SPHKAP: variants seen among roughly 807,000 people sequenced by gnomAD.
SPHKAP encodes the protein A-kinase anchor protein SPHKAP.
SPHKAP carries 67 observed loss-of-function variants against 137.5 expected under a neutral mutation model. The ratio of observed to expected loss-of-function variants is 0.49; its 90% confidence interval spans 0.40 to 0.60. The LOEUF is 0.60. Among genes scored for constraint, SPHKAP ranks in the 20% least tolerant of loss-of-function variants. The pLI is 0.00. For synonymous variants in SPHKAP, 813 were observed against 785.3 expected (o/e 1.04, Z -0.59); for missense variants, 2,097 against 2,069.3 (o/e 1.01, Z -0.26).
At chr2:227,990,187 C>T (rs1372904221) in intron 11 of SPHKAP, among the ~76,000 whole-genome samples, 1 of 152,202 alleles carries the variant, frequency 6.6e-6, no homozygotes, top group Non-Finnish European at 1.5e-5. Flanking sequence ...AGGCTAATGC[C>T]TTAATTTCCA....
chr2:228,116,622 T>C (rs1418455602), intron 2 of SPHKAP, among the ~76,000 whole-genome samples: 1 of 152,126 alleles, frequency 6.6e-6, no homozygotes, highest in East Asian at 1.9e-4. Flanking sequence ...TCTAATCCTG[T>C]CAGAAACTAA....
intron 2 of SPHKAP, among the ~76,000 whole-genome samples, chr2:228,112,595 G>T (rs1698553416): frequency 6.6e-6 from 1 of 151,980 alleles, no homozygotes; most frequent in African/African-American, 2.4e-5. Context: ...AGGCAGAGGG[G>T]GACTTGCCAA....
intron 7 of SPHKAP, among the ~76,000 whole-genome samples, chr2:228,005,389 T>G (rs1247478014): frequency 6.6e-6 from 1 of 152,210 alleles, no homozygotes; most frequent in Non-Finnish European, 1.5e-5. Context: ...CCTTTTTTTG[T>G]TTTCCATTTG....
chr2:228,152,716 C>G (rs957578206), intron 1 of SPHKAP, among the ~76,000 whole-genome samples: 2 of 121,758 alleles, frequency 1.6e-5, no homozygotes, highest in African/African-American at 5.3e-5. Flanking sequence ...GAAGTTATAC[C>G]TTCTTTTTTT....
chr2:227,993,884 G>T (rs1271954254), intron 8 of SPHKAP: 1 of 204,678 alleles, frequency 4.9e-6, no homozygotes, highest in African/African-American at 2.4e-5. Context: ...TTTCTGAAGT[G>T]GTATCACAAC....
intron 3 of SPHKAP, among the ~76,000 whole-genome samples, chr2:228,083,164 A>C (rs1697417376): frequency 6.6e-6 from 1 of 152,262 alleles, no homozygotes; most frequent in African/African-American, 2.4e-5. Context: ...ATAAGAAAGA[A>C]AAAAAGAAAG....
At chr2:228,158,364 A>G (rs1700174428) in intron 1 of SPHKAP, among the ~76,000 whole-genome samples, 1 of 117,650 alleles carries the variant, frequency 8.5e-6, no homozygotes, top group African/African-American at 3.3e-5. Context: ...ATGTGATTTT[A>G]CCCCTTACAA....
chr2:228,092,156 C>CGT (rs1559168659), intron 3 of SPHKAP, among the ~76,000 whole-genome samples: 1 of 114,008 alleles, frequency 8.8e-6, no homozygotes, highest in East Asian at 2.5e-4. Context: ...TATACATATA[C>CGT]ATATATGTGT....
intron 1 of SPHKAP, among the ~76,000 whole-genome samples, chr2:228,136,438 T>C (rs1397866710): frequency 1.3e-5 from 2 of 152,256 alleles, no homozygotes; most frequent in African/African-American, 2.4e-5. Context: ...ATAAATGAGA[T>C]GCTAAGTTGC....
intron 1 of SPHKAP, among the ~76,000 whole-genome samples, chr2:228,150,662 C>T (rs773885167): frequency 2.0e-5 from 3 of 150,970 alleles, no homozygotes; most frequent in African/African-American, 4.9e-5. Flanking sequence ...TGGGCTTCTA[C>T]CCCTCTTTTA....
chr2:228,160,167 C>T (rs1446149473), intron 1 of SPHKAP, among the ~76,000 whole-genome samples: 2 of 152,168 alleles, frequency 1.3e-5, no homozygotes, highest in African/African-American at 2.4e-5. Context: ...GGCATGGAAG[C>T]AGGGGAGGTA....
chr2:228,004,863 G>C (rs1018274932), intron 7 of SPHKAP, among the ~76,000 whole-genome samples: 2 of 152,040 alleles, frequency 1.3e-5, no homozygotes, highest in Non-Finnish European at 2.9e-5. Context: ...GTAGTTGATT[G>C]GTTTTGAGTG....
intron 1 of SPHKAP, among the ~76,000 whole-genome samples, chr2:228,143,956 G>A (rs1699687140): frequency 6.6e-6 from 1 of 152,056 alleles, no homozygotes; most frequent in African/African-American, 2.4e-5. Context: ...TGCCTCTATC[G>A]AATCACTCTG....
chr2:228,123,496 A>G (rs1319673416), intron 2 of SPHKAP, among the ~76,000 whole-genome samples: 4 of 152,192 alleles, frequency 2.6e-5, no homozygotes, highest in Non-Finnish European at 4.4e-5. Context: ...TTATTTATTT[A>G]TACTTAAAGT....
chr2:228,029,851 A>C (rs1032003758), intron 3 of SPHKAP, among the ~76,000 whole-genome samples: 1 of 152,154 alleles, frequency 6.6e-6, no homozygotes. Context: ...CCTTAAAGAA[A>C]GGCCCATTAC....
chr2:227,982,381 A>C (rs998611705), intron 11 of SPHKAP: 2 of 985,350 alleles, frequency 2.0e-6, no homozygotes, highest in African/African-American at 3.5e-5. Flanking sequence ...ATCAAGGATC[A>C]AGAAAGCCTG....
intron 1 of SPHKAP, among the ~76,000 whole-genome samples, chr2:228,134,538 C>G (rs975487844): frequency 2.0e-5 from 3 of 152,208 alleles, no homozygotes; most frequent in African/African-American, 7.2e-5. Flanking sequence ...CTTACTTACC[C>G]AAGCGTGGAC....
chr2:228,082,396 C>A (rs1025565989), intron 3 of SPHKAP, among the ~76,000 whole-genome samples: 1 of 152,052 alleles, frequency 6.6e-6, no homozygotes, highest in East Asian at 1.9e-4. Context: ...TGCTGTAAAA[C>A]CTTAGGGAGA....
chr2:228,161,068 A>T (rs1437930257), intron 1 of SPHKAP, among the ~76,000 whole-genome samples: 3 of 152,222 alleles, frequency 2.0e-5, no homozygotes, highest in Non-Finnish European at 2.9e-5. Flanking sequence ...TCACATAAAC[A>T]AGTACAAATG....
Sources: allele counts gnomAD v4.1 joint callset (sites outside exome capture counted in the v4.1 genomes callset), GRCh38; gene constraint gnomAD v4.1.1; transcripts MANE v1.5; gene names NCBI Gene and HGNC (gene_info 2026-07-23, HGNC 2026-07-21).